PDE3A: variants seen among roughly 807,000 people sequenced by gnomAD.
PDE3A encodes the protein phosphodiesterase 3A.
A neutral mutation model predicts 98.3 loss-of-function variants in PDE3A; 43 were observed. The observed-to-expected ratio is 0.44, with a 90% confidence interval of 0.34 to 0.56. PDE3A has a LOEUF of 0.56. PDE3A is among the 20% of genes least tolerant of loss of function. PDE3A has a pLI of 0.01. For missense variants in PDE3A, 1,427 were observed against 1,440.7 expected, an observed-to-expected ratio of 0.99 and a Z score of 0.15; for synonymous variants, 663 against 567.9, an observed-to-expected ratio of 1.17 and a Z score of -2.38.
chr12:20,501,628 A>G (rs1316170675), intron 1 of PDE3A, among the ~76,000 whole-genome samples: 1 of 152,190 alleles, frequency 6.6e-6, no homozygotes, highest in Non-Finnish European at 1.5e-5. Flanking sequence ...TTACCAAATC[A>G]TACCAGAAGA....
At chr12:20,667,119 AT>A (rs1565469758) in intron 15 of PDE3A, among the ~76,000 whole-genome samples, 1 of 151,840 alleles carries the variant, frequency 6.6e-6, no homozygotes, top group Non-Finnish European at 1.5e-5. Context: ...TTTTAATAGA[AT>A]TTTTTTGTTT....
chr12:20,457,991 CA>C (rs1206819983), intron 1 of PDE3A, among the ~76,000 whole-genome samples: 1 of 152,100 alleles, frequency 6.6e-6, no homozygotes. Context: ...TACTAATTGA[CA>C]GATATGATCA....
chr12:20,657,344 C>G (rs913932246), intron 15 of PDE3A, among the ~76,000 whole-genome samples: 1 of 152,066 alleles, frequency 6.6e-6, no homozygotes, highest in African/African-American at 2.4e-5. Flanking sequence ...GCTTTTGGCT[C>G]TCAGTAATGT....
chr12:20,525,869 G>C (rs1374905084), intron 1 of PDE3A, among the ~76,000 whole-genome samples: 3 of 152,086 alleles, frequency 2.0e-5, no homozygotes, highest in African/African-American at 7.2e-5. Flanking sequence ...ACCAAAACTT[G>C]CTATCTTATC....
At chr12:20,676,257 G>A (rs895599738) in intron 15 of PDE3A, among the ~76,000 whole-genome samples, 2 of 152,064 alleles carry the variant, frequency 1.3e-5, no homozygotes, top group Admixed American at 6.6e-5. Context: ...TGTAGTGCTG[G>A]TCTAGTGGTG....
rs1040853192 is a variant in PDE3A at position 20,686,222 on chromosome 12, A to G, written c.*5951A>G. 6.6e-6 allele frequency among the ~76,000 whole-genome samples: 1 copy of G among 152,190 alleles called. No homozygotes were observed. Among genetic ancestry groups the G allele is most frequent in the Middle Eastern group, 3.2e-3 (1 of 316 alleles). Reference sequence around the variant, plus strand: ...AATACATTAGATAAAAATTAGTGTCAATAATTTAACTTTGTACAAATTATA... The same window carrying G: ...AATACATTAGATAAAAATTAGTGTCGATAATTTAACTTTGTACAAATTATA... On this transcript the variant is annotated 3_prime_UTR_variant, in exon 16 of 16. Coordinates refer to ENST00000359062, the MANE Select transcript of PDE3A (RefSeq NM_000921.5).
At chr12:20,589,143 C>G (rs927836052) in intron 2 of PDE3A, among the ~76,000 whole-genome samples, 20 of 152,032 alleles carry the variant, frequency 1.3e-4, no homozygotes, top group Admixed American at 4.6e-4. Flanking sequence ...CCAGGATGGT[C>G]TTGATCTCCT....
chr12:20,385,125 T>A (rs1286229607), intron 1 of PDE3A, among the ~76,000 whole-genome samples: 1 of 152,014 alleles, frequency 6.6e-6, no homozygotes, highest in Non-Finnish European at 1.5e-5. Context: ...CCACAATGGT[T>A]GAGCCAATTT....
chr12:20,646,641 T>C, intron 11 of PDE3A, 38 bp downstream of exon 11: 2 of 1,402,330 alleles, frequency 1.4e-6, no homozygotes, highest in Non-Finnish European at 1.0e-6. Context: ...TTATGAAAGA[T>C]GGGAACAAGG....
At chr12:20,381,057 T>C (rs1943655408) in intron 1 of PDE3A, among the ~76,000 whole-genome samples, 1 of 151,806 alleles carries the variant, frequency 6.6e-6, no homozygotes. Flanking sequence ...AACAGCATAG[T>C]TATTAAGGCA....
At chr12:20,469,547 G>A (rs910486589) in intron 1 of PDE3A, among the ~76,000 whole-genome samples, 2 of 152,136 alleles carry the variant, frequency 1.3e-5, no homozygotes, top group Non-Finnish European at 2.9e-5. Context: ...TACTTATTTG[G>A]CATAGAAACT....
intron 5 of PDE3A, among the ~76,000 whole-genome samples, chr12:20,628,677 G>A (rs1197072319): frequency 2.0e-5 from 3 of 152,052 alleles, no homozygotes; most frequent in African/African-American, 7.3e-5. Context: ...GAACTAGAAG[G>A]GGTTGCTGCT....
intron 1 of PDE3A, among the ~76,000 whole-genome samples, chr12:20,491,042 C>G (rs1235569382): frequency 6.6e-6 from 1 of 152,156 alleles, no homozygotes; most frequent in Non-Finnish European, 1.5e-5. Flanking sequence ...TTGAGGCCCA[C>G]TGTAATCTAG....
chr12:20,543,080 G>A (rs1941961649), intron 1 of PDE3A, among the ~76,000 whole-genome samples: 1 of 151,908 alleles, frequency 6.6e-6, no homozygotes, highest in Non-Finnish European at 1.5e-5. Context: ...TGGTGCTTAG[G>A]GGTTTGGGTT....
intron 2 of PDE3A, among the ~76,000 whole-genome samples, chr12:20,594,606 C>T (rs2121388086): frequency 6.6e-6 from 1 of 151,692 alleles, no homozygotes; most frequent in Middle Eastern, 3.4e-3. Flanking sequence ...AAATGACGCT[C>T]ATCTTTAAGA....
intron 1 of PDE3A, among the ~76,000 whole-genome samples, chr12:20,371,100 A>G (rs963749113): frequency 4.6e-5 from 7 of 152,242 alleles, no homozygotes; most frequent in African/African-American, 7.2e-5. Context: ...CTGGAGATGT[A>G]TATCTTCCCA....
chr12:20,638,133 A>G (rs1944561725), intron 9 of PDE3A, among the ~76,000 whole-genome samples: 1 of 151,544 alleles, frequency 6.6e-6, no homozygotes, highest in African/African-American at 2.4e-5. Context: ...AAACAATAGA[A>G]GAGAAATCAC....
At chr12:20,407,852 T>C (rs911090456) in intron 1 of PDE3A, among the ~76,000 whole-genome samples, 17 of 151,990 alleles carry the variant, frequency 1.1e-4, no homozygotes, top group Admixed American at 9.8e-4. Context: ...AATTTTTTTG[T>C]TTTTGTTGAA....
At chr12:20,467,859 C>T (rs374051718) in intron 1 of PDE3A, among the ~76,000 whole-genome samples, 18 of 137,758 alleles carry the variant, frequency 1.3e-4, no homozygotes, top group Non-Finnish European at 2.0e-4. Context: ...CACTTGAACC[C>T]GGGAGGCGGA....
Sources: allele counts gnomAD v4.1 joint callset (sites outside exome capture counted in the v4.1 genomes callset), GRCh38; gene constraint gnomAD v4.1.1; transcripts MANE v1.5; gene names NCBI Gene and HGNC (gene_info 2026-07-23, HGNC 2026-07-21).